Variants in NCAPD2 observed in about 807,000 individuals in gnomAD.
The protein encoded by NCAPD2 is non-SMC condensin I complex subunit D2, also known as condensin complex subunit 1.
A neutral mutation model predicts 164.5 loss-of-function variants in NCAPD2; 100 were observed. The observed-to-expected ratio is 0.61, with a 90% confidence interval of 0.52 to 0.72. The LOEUF is 0.72. Ranked by LOEUF, NCAPD2 falls within the 30% of genes least tolerant of loss-of-function variation. The pLI is 0.00. For synonymous variants in NCAPD2, 585 were observed against 642.6 expected (o/e 0.91, Z 1.36); for missense variants, 1,560 against 1,749.2 (o/e 0.89, Z 1.93).
intron 2 of NCAPD2, among the ~76,000 whole-genome samples, chr12:6,509,253 T>C (rs1592168519): frequency 6.6e-6 from 1 of 152,038 alleles, no homozygotes; most frequent in Non-Finnish European, 1.5e-5. Flanking sequence ...TCATCATCAT[T>C]ATTTTATTTT....
chr12:6,504,182 C>CATAT (rs1176237960), intron 2 of NCAPD2, among the ~76,000 whole-genome samples: 771 of 57,532 alleles, frequency 0.013, 13 homozygotes, highest in East Asian at 0.047. Context: ...TATATATATA[C>CATAT]ATATATATAT....
intron 17 of NCAPD2, 77 bp downstream of exon 17, chr12:6,523,423 AGTCAT>A: frequency 1.0e-6 from 1 of 977,820 alleles, no homozygotes; most frequent in Middle Eastern, 3.3e-4. Flanking sequence ...TTTGAGACGG[AGTCAT>A]GCCCCATTGC....
intron 2 of NCAPD2, among the ~76,000 whole-genome samples, chr12:6,508,150 G>A (rs889344237): frequency 1.4e-4 from 22 of 152,038 alleles, no homozygotes; most frequent in African/African-American, 2.4e-4. Context: ...GTGCAACCCC[G>A]TCTCTACTAA....
At chr12:6,522,168 A>T in intron 15 of NCAPD2, 131 bp downstream of exon 15, 1 of 1,010,092 alleles carries the variant, frequency 9.9e-7, no homozygotes. Context: ...TCCTGGGCTC[A>T]GGCAATTCTT....
At chr12:6,512,994 A>G (rs551416940) in intron 6 of NCAPD2, among the ~76,000 whole-genome samples, 3 of 152,280 alleles carry the variant, frequency 2.0e-5, no homozygotes, top group Admixed American at 2.0e-4. Context: ...AAGGCTGTGA[A>G]TAGGTGTTTT....
Position 6,516,891 on chromosome 12 carries a change from G to A in NCAPD2, c.1051G>A (p.Gly351Ser). The change falls in exon 10 of 32, where the codon GGC becomes AGC. Residue 351 changes from glycine (G) to serine (S), a missense_variant. Coordinates refer to ENST00000315579, the MANE Select transcript of NCAPD2 (RefSeq NM_014865.4). ...GGAGATGGTGCTGCAGGTTCTCAGT[G>A]GCGATCAACTGGAAGCAGCAGCCCG... is the stretch of plus-strand genomic sequence containing the variant. ...MAEMVLQVLS[G>S]DQLEAAARDT... The A allele has an allele frequency of 1.2e-6, 2 of 1,614,162 alleles. No homozygotes were observed. The highest frequency in any genetic ancestry group is 2.2e-5 in the South Asian group (2 of 91,080).
In NCAPD2 at chr12:6,531,513, A is replaced by T. The variant is rs1289828002; in HGVS notation, c.*101A>T. On this transcript the variant is annotated 3_prime_UTR_variant, in exon 32 of 32. Coordinates refer to ENST00000315579, the MANE Select transcript of NCAPD2 (RefSeq NM_014865.4). This position sits in a 1 kb window ranked among gnomAD's most constrained non-coding sequence, Gnocchi z 4.1. ...AATATTTGTCTGTCTCTTTTTTTTA[A>T]AAAAAAAAAAGGCCGGGCACTGTGG... 14 of 1,475,252 alleles carry T rather than the reference A, an allele frequency of 9.5e-6. No individual in the cohort carries two copies. The highest frequency in any genetic ancestry group is 2.5e-5 in the East Asian group (1 of 39,628). The allele number at this position is 1,475,252 out of a possible 1,614,324, so 91.4% of individuals were successfully genotyped here.
At chr12:6,519,273 C>T (rs1239943878) in intron 13 of NCAPD2, among the ~76,000 whole-genome samples, 1 of 152,104 alleles carries the variant, frequency 6.6e-6, no homozygotes, top group Non-Finnish European at 1.5e-5. Context: ...TTTTATTTTG[C>T]TAAAGCAAAA....
At chr12:6,507,499 C>G (rs1946108936) in intron 2 of NCAPD2, among the ~76,000 whole-genome samples, 1 of 152,242 alleles carries the variant, frequency 6.6e-6, no homozygotes, top group Admixed American at 6.5e-5. Context: ...GGCACGAGAG[C>G]CTTTATTCCT....
intron 2 of NCAPD2, among the ~76,000 whole-genome samples, chr12:6,509,411 G>C (rs1482276199): frequency 2.0e-5 from 3 of 152,056 alleles, no homozygotes; most frequent in Admixed American, 2.0e-4. Context: ...ACAGGCGCCT[G>C]CTACCACACC....
intron 2 of NCAPD2, among the ~76,000 whole-genome samples, chr12:6,503,871 C>T (rs956232131): frequency 6.0e-5 from 9 of 151,118 alleles, no homozygotes; most frequent in African/African-American, 2.2e-4. Flanking sequence ...CCCAGCTACT[C>T]GGGAGGCTGA....
chr12:6,499,737 C>T (rs944031082), intron 2 of NCAPD2, among the ~76,000 whole-genome samples: 4 of 152,084 alleles, frequency 2.6e-5, no homozygotes, highest in African/African-American at 9.7e-5. Context: ...TGAGATTGAC[C>T]ACGGGTAACT....
chr12:6,517,324 T>G (rs1227429831), intron 10 of NCAPD2, 41 bp from the exon 11 acceptor site: 1 of 1,603,552 alleles, frequency 6.2e-7, no homozygotes, highest in East Asian at 2.2e-5. Context: ...AAATGGATGA[T>G]GTGGGACTTG....
Position 6,517,693 on chromosome 12 carries a change from T to G in NCAPD2, c.1408+10T>G. On this transcript the variant is annotated intron_variant, in intron 12 of 31. Transcript: ENST00000315579. ...CGAACTGCAGCAGCTTGTAAGTAGT[T>G]ACTGCCTTGGAGTCCTAATGCCAGA... The G allele has an allele frequency of 6.2e-7, 1 of 1,614,224 alleles. No homozygotes were observed. The highest frequency in any genetic ancestry group is 8.5e-7 in the Non-Finnish European group (1 of 1,180,038).
rs143983696 is a variant in NCAPD2 at position 6,521,023 on chromosome 12, T to G, written c.1627T>G (p.Phe543Val). Reference protein sequence around the residue: ...IILTREATGHFQESEPFSHID... With the variant: ...IILTREATGHVQESEPFSHID... ...TCTCACTCGAGAAGCCACAGGCCAC[T>G]TCCAGGAGTCCGAACCCTTCAGTCA... The change falls in exon 14 of 32, where the codon TTC (phenylalanine) becomes GTC (valine). Residue 543 changes from phenylalanine to valine, a missense_variant. By Grantham distance (50) the Phe-to-Val change is conservative. Transcript: ENST00000315579. 158 of 1,614,160 alleles carry G rather than the reference T, an allele frequency of 9.8e-5. No homozygotes were observed. The African/African-American group carries it at 1.9e-3, about 20-fold the overall frequency.
chr12:6,504,182 CATATATATATATATATATATATAT>C (rs1176237960), intron 2 of NCAPD2, among the ~76,000 whole-genome samples: 3 of 57,762 alleles, frequency 5.2e-5, no homozygotes, highest in Non-Finnish European at 9.4e-5. Flanking sequence ...TATATATATA[CATATATATATATATATATATATAT>C]ATATATATAT....
chr12:6,496,932 C>T (rs992220634), intron 2 of NCAPD2, among the ~76,000 whole-genome samples: 1 of 152,178 alleles, frequency 6.6e-6, no homozygotes, highest in Non-Finnish European at 1.5e-5. Context: ...AGTCACTAGA[C>T]GATGGGAATT....
rs1946367772 is a variant in NCAPD2, at chr12:6,531,012, C to A, written c.4056C>A (p.Thr1352=). 6.2e-7 allele frequency: 1 copy of A among 1,614,152 alleles called. No individual in the cohort carries two copies. The change falls in exon 31 of 32, where the codon ACC becomes ACA. Residue 1352 remains threonine, a synonymous_variant. Transcript: ENST00000315579. This position sits in a 1 kb window ranked among gnomAD's most constrained non-coding sequence, Gnocchi z 4.1. ...PRRTTRRHPN[T]QQRASKKKPK... Reference sequence around the variant, plus strand: ...GTACTACCCGTCGGCATCCAAACACCCAGCAGCGAGCTTCCAAAAAGAAAC... The same window carrying A: ...GTACTACCCGTCGGCATCCAAACACACAGCAGCGAGCTTCCAAAAAGAAAC...
intron 2 of NCAPD2, among the ~76,000 whole-genome samples, chr12:6,503,963 G>T (rs1055603804): frequency 6.6e-6 from 1 of 151,898 alleles, no homozygotes; most frequent in Admixed American, 6.6e-5. Context: ...GGGCGACAGA[G>T]CGAGACTCCG....
Sources: allele counts gnomAD v4.1 joint callset (sites outside exome capture counted in the v4.1 genomes callset), GRCh38; gene constraint gnomAD v4.1.1; non-coding constraint Gnocchi (gnomAD v3.1); transcripts MANE v1.5; gene names NCBI Gene and HGNC (gene_info 2026-07-23, HGNC 2026-07-21).